Variants in PRKD1 observed in about 807,000 individuals in gnomAD.
PRKD1 encodes serine/threonine-protein kinase D1.
PRKD1 carries 63 observed loss-of-function variants against 95.9 expected under a neutral mutation model. The observed-to-expected ratio is 0.66, with a 90% CI of 0.54 to 0.81. PRKD1 has a LOEUF of 0.81. PRKD1 is among the 30% of genes least tolerant of loss of function. PRKD1 has a pLI of 0.00. For synonymous variants in PRKD1, 425 were observed against 423.1 expected (o/e 1.00, Z -0.05); for missense variants, 1,048 against 1,165.3 (o/e 0.90, Z 1.47).
intron 1 of PRKD1, among the ~76,000 whole-genome samples, chr14:29,804,624 G>T (rs1268128097): frequency 6.7e-6 from 1 of 149,906 alleles, no homozygotes; most frequent in African/African-American, 2.5e-5. Flanking sequence ...GTTTAAAATA[G>T]AGTTACCACA....
At chr14:29,835,490 C>A (rs1025327264) in intron 1 of PRKD1, among the ~76,000 whole-genome samples, 1 of 152,178 alleles carries the variant, frequency 6.6e-6, no homozygotes, top group East Asian at 1.9e-4. Flanking sequence ...ATTCCTTTCC[C>A]CAGTTTCCAC....
chr14:29,726,707 T>C (rs1187238028), intron 1 of PRKD1, among the ~76,000 whole-genome samples: 6 of 151,978 alleles, frequency 3.9e-5, no homozygotes, highest in Non-Finnish European at 8.8e-5. Context: ...ATAAATATAA[T>C]GAGAACATCT....
intron 1 of PRKD1, among the ~76,000 whole-genome samples, chr14:29,796,953 G>C (rs1889844401): frequency 6.6e-6 from 1 of 152,166 alleles, no homozygotes; most frequent in Non-Finnish European, 1.5e-5. Flanking sequence ...TAAGACAAAT[G>C]AAAATTTATA....
At position 29,629,047 on chromosome 14, in the gene PRKD1, T is replaced by A. The variant is rs1879813187; in HGVS notation, c.1719A>T (p.Glu573Asp). The A allele has an allele frequency of 2.5e-6, 4 of 1,603,276 alleles. No individual in the cohort carries two copies. In the South Asian group the frequency reaches 4.4e-5, roughly 18 times the overall value. Residue 573 changes from glutamate (E) to aspartate (D), a missense_variant, in exon 11 of 18, where the codon GAA becomes GAT. By Grantham distance (45) the Glu-to-Asp change is conservative. This residue lies in a region of PRKD1 where 739 missense variants were observed against 861.9 expected (regional missense o/e 0.86). Transcript: ENST00000331968. ...SISVSNCQIQ[E>D]NVDISTVYQI... is the part of the protein sequence containing the mutation. ...TTAGTAGGTACATACTTACCACATTTTCTTGAATCTGGCAATTTGATACTG... is the reference window on the plus strand; with the variant it reads ...TTAGTAGGTACATACTTACCACATTATCTTGAATCTGGCAATTTGATACTG...
At chr14:29,910,271 A>G (rs1340964045) in intron 1 of PRKD1, among the ~76,000 whole-genome samples, 2 of 152,038 alleles carry the variant, frequency 1.3e-5, no homozygotes, top group Non-Finnish European at 2.9e-5. Flanking sequence ...CCGCCTTAAG[A>G]GCTGTGACAC....
intron 13 of PRKD1, among the ~76,000 whole-genome samples, chr14:29,619,894 G>A (rs2139075796): frequency 6.6e-6 from 1 of 152,124 alleles, no homozygotes; most frequent in East Asian, 1.9e-4. Context: ...GAACAAAGCT[G>A]GAGGCATCAC....
chr14:29,705,161 AT>A (rs1210457863), intron 2 of PRKD1, among the ~76,000 whole-genome samples: 1 of 152,078 alleles, frequency 6.6e-6, no homozygotes, highest in Non-Finnish European at 1.5e-5. Context: ...CACTATCCTT[AT>A]TTTATCCCTG....
chr14:29,586,925 C>T (rs4981708), intron 16 of PRKD1, among the ~76,000 whole-genome samples: 1 of 152,078 alleles, frequency 6.6e-6, no homozygotes, highest in Non-Finnish European at 1.5e-5. Context: ...GTGCCCAGCC[C>T]ACTTTACTCT....
At chr14:29,862,939 G>A (rs1892761098) in intron 1 of PRKD1, among the ~76,000 whole-genome samples, 1 of 152,124 alleles carries the variant, frequency 6.6e-6, no homozygotes, top group Non-Finnish European at 1.5e-5. Flanking sequence ...TCTTTGCCCA[G>A]ACCGATGTCC....
intron 2 of PRKD1, among the ~76,000 whole-genome samples, chr14:29,692,213 T>TC (rs1566542594): frequency 6.6e-6 from 1 of 151,656 alleles, no homozygotes; most frequent in South Asian, 2.1e-4. Context: ...CCTGTTCATT[T>TC]TTTTTTTTTA....
At chr14:29,705,455 G>GT (rs35890847) in intron 2 of PRKD1, among the ~76,000 whole-genome samples, 9,169 of 147,010 alleles carry the variant, frequency 0.062, 360 homozygotes, top group African/African-American at 0.12. Context: ...GCCAGATTCT[G>GT]TTTTTTTTTT....
At chr14:29,679,866 T>C (rs1322729786) in intron 2 of PRKD1, among the ~76,000 whole-genome samples, 1 of 151,918 alleles carries the variant, frequency 6.6e-6, no homozygotes, top group Non-Finnish European at 1.5e-5. Flanking sequence ...TAGCTGAGAA[T>C]ACAGGCATGC....
chr14:29,874,170 AG>A (rs1893207183), intron 1 of PRKD1, among the ~76,000 whole-genome samples: 1 of 152,150 alleles, frequency 6.6e-6, no homozygotes, highest in African/African-American at 2.4e-5. Flanking sequence ...GTTTATGGGG[AG>A]AAAAAATAAC....
chr14:29,690,929 T>TC (rs1210485005), intron 2 of PRKD1, among the ~76,000 whole-genome samples: 1 of 152,094 alleles, frequency 6.6e-6, no homozygotes, highest in African/African-American at 2.4e-5. Flanking sequence ...GATAAATATC[T>TC]CCCCCATGTG....
chr14:29,734,600 G>A (rs1180687122), intron 1 of PRKD1, among the ~76,000 whole-genome samples: 1 of 152,018 alleles, frequency 6.6e-6, no homozygotes, highest in East Asian at 1.9e-4. Context: ...AGTGTTTGGT[G>A]AACTTTCTCC....
intron 4 of PRKD1, among the ~76,000 whole-genome samples, chr14:29,644,010 A>G (rs1880968650): frequency 6.6e-6 from 1 of 152,210 alleles, no homozygotes; most frequent in South Asian, 2.1e-4. Flanking sequence ...GAATCATTTG[A>G]TAATAAGCTC....
chr14:29,821,641 A>T (rs775788273), intron 1 of PRKD1, among the ~76,000 whole-genome samples: 50 of 152,364 alleles, frequency 3.3e-4, no homozygotes, highest in Non-Finnish European at 6.5e-4. Context: ...ATAGACATTC[A>T]GGGCTTATAA....
chr14:29,783,017 G>A (rs1396242203), intron 1 of PRKD1, among the ~76,000 whole-genome samples: 1 of 152,132 alleles, frequency 6.6e-6, no homozygotes, highest in Non-Finnish European at 1.5e-5. Flanking sequence ...CATTTCAAAT[G>A]TTCTCTTCTA....
chr14:29,914,987 G>C (rs1894845070), intron 1 of PRKD1, among the ~76,000 whole-genome samples: 1 of 151,982 alleles, frequency 6.6e-6, no homozygotes, highest in Non-Finnish European at 1.5e-5. Flanking sequence ...GTCTCCCAAA[G>C]TGCTGGGATT....
Sources: gnomAD v4.1 joint callset for allele counts (sites outside exome capture counted in the v4.1 genomes callset) on GRCh38, gnomAD v4.1.1 for gene constraint, gnomAD v4.1.1 regional missense constraint, MANE v1.5 for transcripts, NCBI Gene and HGNC (gene_info 2026-07-23, HGNC 2026-07-21) for gene names.